SRFBP1: variants seen among roughly 807,000 people sequenced by gnomAD.
SRFBP1 encodes serum response factor binding protein 1, also known as serum response factor-binding protein 1.
SRFBP1 carries 47 observed loss-of-function variants against 45.5 expected under a neutral mutation model. The ratio of observed to expected loss-of-function variants is 1.03; its 90% CI spans 0.82 to 1.32. SRFBP1 has a LOEUF of 1.32. Ranked by LOEUF, SRFBP1 falls within the 40% of genes most tolerant of loss-of-function variation. The probability of loss-of-function intolerance (pLI) is 0.00; values close to 1 mark genes in which losing one functional copy is unlikely to be tolerated. For missense variants in SRFBP1, 621 were observed against 484.6 expected (o/e 1.28, Z -2.64); for synonymous variants, 203 against 166.3 (o/e 1.22, Z -1.70).
intron 4 of SRFBP1, among the ~76,000 whole-genome samples, chr5:122,011,051 G>A (rs1191461294): frequency 6.6e-6 from 1 of 152,078 alleles, no homozygotes; most frequent in Non-Finnish European, 1.5e-5. Flanking sequence ...GTACAAATAT[G>A]AATATGTGGA....
At chr5:122,069,210 G>A (rs1176564772) in intron 2 of SRFBP1, among the ~76,000 whole-genome samples, 1 of 152,100 alleles carries the variant, frequency 6.6e-6, no homozygotes, top group Non-Finnish European at 1.5e-5. Context: ...TGCTATACCT[G>A]TCTGTATGAT....
chr5:121,995,536 G>A (rs1446606796), intron 4 of SRFBP1, among the ~76,000 whole-genome samples: 5 of 152,046 alleles, frequency 3.3e-5, no homozygotes, highest in South Asian at 2.1e-4. Flanking sequence ...GAAATTTATA[G>A]CACTAAATGC....
intron 4 of SRFBP1, among the ~76,000 whole-genome samples, chr5:122,011,766 G>C (rs1753098756): frequency 6.6e-6 from 1 of 152,084 alleles, no homozygotes. Context: ...GAGGAAGGAA[G>C]ATGGGCAAGA....
At position 122,020,283 on chromosome 5, in the gene SRFBP1, A is replaced by G. The variant is rs1377368087; in HGVS notation, c.548A>G (p.Asn183Ser). 1.6e-5 allele frequency: 26 copies of G among 1,612,276 alleles called. No homozygotes were observed. In the Admixed American group the frequency reaches 4.4e-4, roughly 27 times the overall value. Residue 183 changes from asparagine (N) to serine (S), a missense_variant, in exon 6 of 8, where the codon AAT (asparagine) becomes AGT (serine). Coordinates refer to ENST00000339397, the MANE Select transcript of SRFBP1 (RefSeq NM_152546.3). The part of the protein sequence containing the change: ...TKILAKKPIH[N>S]SKEKIAKMEH... ...ATATTGGCGAAGAAACCAATACATA[A>G]TTCAAAGGAAAAAATAGCAAAGATG...
chr5:122,016,578 T>G (rs1165018031), intron 4 of SRFBP1, among the ~76,000 whole-genome samples: 1 of 152,198 alleles, frequency 6.6e-6, no homozygotes, highest in Non-Finnish European at 1.5e-5. Context: ...GTTTTCAGTC[T>G]TCTTAGCCTG....
Position 122,019,259 on chromosome 5 carries a change from G to A in SRFBP1, c.271-1G>A. On this transcript the variant is annotated splice_acceptor_variant, in intron 4 of 7. Transcript: ENST00000339397. LOFTEE classifies it high-confidence loss of function. ...CGTTTATTATATTTTTAAATTTGCAGCCAGATTCTACTGCAACTGAAAGAG... is the reference window on the plus strand; with the variant it reads ...CGTTTATTATATTTTTAAATTTGCAACCAGATTCTACTGCAACTGAAAGAG... The A allele has an allele frequency of 6.2e-7, 1 of 1,610,900 alleles. No individual in the cohort carries two copies. The highest frequency in any genetic ancestry group is 8.5e-7 in the Non-Finnish European group (1 of 1,178,430).
At chr5:121,975,430 A>C in intron 3 of SRFBP1, 43 bp downstream of exon 3, 1 of 1,599,688 alleles carries the variant, frequency 6.3e-7, no homozygotes, top group Non-Finnish European at 8.6e-7. Flanking sequence ...GTTTCTGAGT[A>C]TCCTGTTATC....
chr5:121,991,618 G>C (rs1047768022), intron 3 of SRFBP1, among the ~76,000 whole-genome samples: 1 of 152,166 alleles, frequency 6.6e-6, no homozygotes, highest in African/African-American at 2.4e-5. Flanking sequence ...TTCTGAATAA[G>C]AAGTATAGGA....
At chr5:121,973,479 G>A (rs1036924188) in intron 1 of SRFBP1, among the ~76,000 whole-genome samples, 3 of 151,742 alleles carry the variant, frequency 2.0e-5, no homozygotes, top group African/African-American at 7.3e-5. Context: ...ACTGAAAGCT[G>A]TTATAATGTG....
At chr5:121,994,294 G>A (rs1319300932) in intron 3 of SRFBP1, among the ~76,000 whole-genome samples, 1 of 151,800 alleles carries the variant, frequency 6.6e-6, no homozygotes, top group Non-Finnish European at 1.5e-5. Flanking sequence ...CTGTTTGCCT[G>A]GCATATCTTT....
At chr5:121,990,977 T>C (rs1752610752) in intron 3 of SRFBP1, among the ~76,000 whole-genome samples, 1 of 152,088 alleles carries the variant, frequency 6.6e-6, no homozygotes, top group African/African-American at 2.4e-5. Context: ...TTGCTACTTT[T>C]TAGCCAAATT....
chr5:121,963,852 T>G (rs1752004174), intron 1 of SRFBP1, among the ~76,000 whole-genome samples: 1 of 151,638 alleles, frequency 6.6e-6, no homozygotes, highest in South Asian at 2.1e-4. Context: ...TAATTTAAAA[T>G]TAGTGGGAAA....
intron 3 of SRFBP1, among the ~76,000 whole-genome samples, chr5:121,990,969 G>A (rs1752610587): frequency 6.6e-6 from 1 of 152,084 alleles, no homozygotes; most frequent in African/African-American, 2.4e-5. Flanking sequence ...TTCAGAGTTT[G>A]CTACTTTTTA....
At chr5:121,988,938 G>A (rs1041541984) in intron 3 of SRFBP1, among the ~76,000 whole-genome samples, 2 of 152,044 alleles carry the variant, frequency 1.3e-5, no homozygotes, top group Non-Finnish European at 2.9e-5. Flanking sequence ...GTAGAAAAAT[G>A]CATTATATTC....
chr5:121,998,478 A>G (rs1169768850), intron 4 of SRFBP1, among the ~76,000 whole-genome samples: 2 of 133,060 alleles, frequency 1.5e-5, no homozygotes, highest in African/African-American at 2.8e-5. Flanking sequence ...GATCACATGG[A>G]CACAGGAAGG....
chr5:122,075,652 G>A, downstream of SRFBP1: 1 of 672,056 alleles, frequency 1.5e-6, no homozygotes. Flanking sequence ...TTCCCAACTA[G>A]ACTATCAGTT....
intron 2 of SRFBP1, among the ~76,000 whole-genome samples, chr5:122,053,232 G>A (rs1240455193): frequency 6.6e-6 from 1 of 152,168 alleles, no homozygotes; most frequent in East Asian, 1.9e-4. Context: ...GCTTTAGCAG[G>A]TGTGTCCTGT....
rs565193877 is a variant in SRFBP1, at chr5:121,986,737, T to C, written c.199-7862T>C. ...TTATACTTTTTCTGCCTCATATCCG[T>C]AATCAGCCATTTCTCTAAGAAGTCC... is the stretch of plus-strand genomic sequence containing the variant. On this transcript the variant is annotated intron_variant, in intron 3 of 7. Coordinates refer to ENST00000339397, the MANE Select transcript of SRFBP1 (RefSeq NM_152546.3). Among the ~76,000 whole-genome samples, 279 of 152,248 alleles carry C rather than the reference T, an allele frequency of 1.8e-3. 1 individual carries two copies. Among genetic ancestry groups the C allele is most frequent in the African/African-American group, 6.4e-3 (266 of 41,564 alleles).
At chr5:121,971,288 A>G (rs1189298425) in intron 1 of SRFBP1, among the ~76,000 whole-genome samples, 1 of 152,124 alleles carries the variant, frequency 6.6e-6, no homozygotes, top group East Asian at 1.9e-4. Context: ...AAAAAGGTCA[A>G]GATAGGGAAA....
Sources: allele counts gnomAD v4.1 joint callset (sites outside exome capture counted in the v4.1 genomes callset), GRCh38; gene constraint gnomAD v4.1.1; transcripts MANE v1.5; gene names NCBI Gene and HGNC (gene_info 2026-07-23, HGNC 2026-07-21).